Variants in MRTFB observed in about 807,000 individuals in gnomAD.
The protein encoded by MRTFB is myocardin related transcription factor B, also known as myocardin-related transcription factor B.
MRTFB carries 29 observed loss-of-function variants against 104.2 expected under a neutral mutation model. The ratio of observed to expected loss-of-function variants is 0.28; its 90% CI spans 0.21 to 0.38. MRTFB has a LOEUF of 0.38. Among genes scored for constraint, MRTFB ranks in the 10% least tolerant of loss-of-function variants. The probability of loss-of-function intolerance (pLI) is 1.00; values close to 1 mark genes in which losing one functional copy is unlikely to be tolerated. For synonymous variants in MRTFB, 535 were observed against 519.5 expected (o/e 1.03, Z -0.41); for missense variants, 1,270 against 1,341.6 (o/e 0.95, Z 0.83).
Position 14,219,043 on chromosome 16 carries a change from G to C in MRTFB, c.693+45G>C, listed in dbSNP as rs2041563712. 2.0e-6 allele frequency: 3 copies of C among 1,495,094 alleles called. No homozygotes were observed. The East Asian group carries it at 7.1e-5, about 35-fold the overall frequency. 92.6% of individuals were successfully genotyped at this position (1,495,094 alleles called of 1,614,324 possible). On this transcript the variant is annotated intron_variant, in intron 8 of 16. Transcript: ENST00000571589. ...GACCCCTAAAGAAAGAAAATGCCTT[G>C]TTTTTTTTTAATATATTAAGGTAAT...
the MRTFB span, among the ~76,000 whole-genome samples, chr16:14,017,766 G>C: frequency 7.0e-5 from 9 of 129,366 alleles, no homozygotes; most frequent in African/African-American, 2.7e-4. Context: ...TCCCGGGCTA[G>C]AGTGCACTGT....
chr16:14,049,802 G>A, the MRTFB span, among the ~76,000 whole-genome samples: 1 of 152,094 alleles, frequency 6.6e-6, no homozygotes, highest in Non-Finnish European at 1.5e-5. Context: ...GCACGATCTC[G>A]GCTCACTGCA....
chr16:14,188,533 G>T (rs982858928), intron 3 of MRTFB, among the ~76,000 whole-genome samples: 1 of 152,174 alleles, frequency 6.6e-6, no homozygotes, highest in Non-Finnish European at 1.5e-5. Flanking sequence ...AAATAGAGTT[G>T]TGATGGTTAC....
chr16:14,254,261 G>A (rs192379376), intron 15 of MRTFB, among the ~76,000 whole-genome samples: 6 of 152,308 alleles, frequency 3.9e-5, no homozygotes, highest in Admixed American at 2.0e-4. Context: ...AGGCCCTACC[G>A]GTTCAATCTT....
intron 3 of MRTFB, among the ~76,000 whole-genome samples, chr16:14,165,945 G>A (rs974148813): frequency 2.0e-5 from 3 of 152,208 alleles, no homozygotes; most frequent in African/African-American, 7.2e-5. Context: ...GAAACGACAA[G>A]AGGTATAGCA....
the MRTFB span, chr16:14,020,874 T>A: frequency 1.3e-5 from 2 of 152,292 alleles, no homozygotes; most frequent in Non-Finnish European, 2.9e-5. Flanking sequence ...CTTCTGTATT[T>A]CAGGGTGGGA....
chr16:14,261,055 A>G lies in MRTFB; in HGVS notation c.2911A>G (p.Met971Val), dbSNP rs774687627. 8 of 1,614,192 alleles carry G rather than the reference A, an allele frequency of 5.0e-6. No homozygotes were observed. In the Admixed American group the frequency reaches 5.0e-5, roughly 10 times the overall value. Residue 971 changes from methionine (M) to valine (V), a missense_variant, in exon 17 of 17, where the codon ATG becomes GTG. Met to Val is a conservative substitution (Grantham distance 21). Transcript: ENST00000571589. ...GGCACCACCTGTATCTTTAGAACCTATGGGCAGTTTATCTGCCAGCTTAGA... is the reference window on the plus strand; with the variant it reads ...GGCACCACCTGTATCTTTAGAACCTGTGGGCAGTTTATCTGCCAGCTTAGA... ...QMAPPVSLEPMGSLSASLENQ... is the reference protein window; with the variant it reads ...QMAPPVSLEPVGSLSASLENQ...
chr16:14,123,965 C>T (rs2036979296), intron 2 of MRTFB, among the ~76,000 whole-genome samples: 1 of 152,158 alleles, frequency 6.6e-6, no homozygotes, highest in Non-Finnish European at 1.5e-5. Flanking sequence ...TTCTAGTTCT[C>T]CTTGAAGAGA....
At chr16:14,199,275 A>G (rs2040577848) in intron 3 of MRTFB, among the ~76,000 whole-genome samples, 1 of 152,090 alleles carries the variant, frequency 6.6e-6, no homozygotes, top group Non-Finnish European at 1.5e-5. Flanking sequence ...TTCCTTCCCT[A>G]TCTGACCTGT....
At chr16:14,093,906 G>A (rs2035219691) in intron 2 of MRTFB, among the ~76,000 whole-genome samples, 1 of 151,922 alleles carries the variant, frequency 6.6e-6, no homozygotes, top group Admixed American at 6.6e-5. Context: ...ATCAGCTCCT[G>A]GAAAAAAGAA....
intron 2 of MRTFB, among the ~76,000 whole-genome samples, chr16:14,108,621 A>T (rs2142131952): frequency 6.6e-6 from 1 of 152,292 alleles, no homozygotes; most frequent in East Asian, 1.9e-4. Flanking sequence ...CTCCTACCCC[A>T]GGAGGTTACT....
chr16:14,139,785 T>G (rs1282974746), intron 2 of MRTFB, among the ~76,000 whole-genome samples: 1 of 152,208 alleles, frequency 6.6e-6, no homozygotes, highest in Non-Finnish European at 1.5e-5. Flanking sequence ...GAAATGCTAC[T>G]AAATAAGCAG....
At chr16:14,223,729 C>A (rs1056568522) in intron 8 of MRTFB, among the ~76,000 whole-genome samples, 4 of 151,976 alleles carry the variant, frequency 2.6e-5, no homozygotes, top group African/African-American at 9.7e-5. Context: ...TTATAGGACA[C>A]CATCAAGCGA....
chr16:14,210,993 AT>A (rs913890841), intron 4 of MRTFB, among the ~76,000 whole-genome samples: 1 of 152,118 alleles, frequency 6.6e-6, no homozygotes, highest in Non-Finnish European at 1.5e-5. Flanking sequence ...GTGTATCTGG[AT>A]TTTGTGTAAA....
chr16:14,124,689 C>T (rs1363387691), intron 2 of MRTFB, among the ~76,000 whole-genome samples: 1 of 152,114 alleles, frequency 6.6e-6, no homozygotes, highest in Non-Finnish European at 1.5e-5. Flanking sequence ...ACTTTTGCAT[C>T]GATATTCATC....
intron 2 of MRTFB, among the ~76,000 whole-genome samples, chr16:14,126,633 C>A (rs2037123945): frequency 6.6e-6 from 1 of 152,152 alleles, no homozygotes; most frequent in Admixed American, 6.5e-5. Flanking sequence ...CTGATTTATT[C>A]ATAGCTCTGC....
At chr16:14,184,467 C>T (rs2039876460) in intron 3 of MRTFB, among the ~76,000 whole-genome samples, 1 of 152,114 alleles carries the variant, frequency 6.6e-6, no homozygotes, top group Admixed American at 6.6e-5. Context: ...AGTCATTCGC[C>T]CACCTCGGCC....
rs748633961 is a variant in MRTFB at position 14,240,220 on chromosome 16, C to G, written c.832-17C>G. ...GTGACATCTCTTTAAATGTTATTTT[C>G]TTTTTCTCAAAAATAGCAAAGCCAT... On this transcript the variant is annotated splice_polypyrimidine_tract_variant and intron_variant, in intron 9 of 16. Coordinates refer to ENST00000571589, the MANE Select transcript of MRTFB (RefSeq NM_001308142.2). 1.3e-6 allele frequency: 2 copies of G among 1,570,316 alleles called. No homozygotes were observed. Among genetic ancestry groups the G allele is most frequent in the Non-Finnish European group, 8.6e-7 (1 of 1,162,180 alleles).
chr16:14,243,205 A>G (rs1382232789), intron 10 of MRTFB, among the ~76,000 whole-genome samples: 1 of 152,250 alleles, frequency 6.6e-6, no homozygotes, highest in East Asian at 1.9e-4. Context: ...TTGCCACTTC[A>G]TCCAATGATA....
Sources: gnomAD v4.1 joint callset for allele counts (sites outside exome capture counted in the v4.1 genomes callset) on GRCh38, gnomAD v4.1.1 for gene constraint, MANE v1.5 for transcripts, NCBI Gene and HGNC (gene_info 2026-07-23, HGNC 2026-07-21) for gene names.